Variants in AGAP5 observed in about 807,000 individuals in gnomAD.
AGAP5 encodes the protein ArfGAP with GTPase domain, ankyrin repeat and PH domain 5.
In AGAP5, 8 loss-of-function variants were observed where a neutral mutation model predicts 27.7. The ratio of observed to expected loss-of-function variants is 0.29; its 90% confidence interval spans 0.17 to 0.52. The LOEUF is 0.52. AGAP5 is among the 20% of genes least tolerant of loss of function. AGAP5 has a pLI of 0.97. For synonymous variants in AGAP5, 111 were observed against 338.0 expected, an observed-to-expected ratio of 0.33 and a Z score of 7.37; for missense variants, 285 against 880.8, an observed-to-expected ratio of 0.32 and a Z score of 8.56.
chr10:73,679,291 T>C (rs1160246210), intron 6 of AGAP5, among the ~76,000 whole-genome samples: 2 of 152,110 alleles, frequency 1.3e-5, no homozygotes, highest in Non-Finnish European at 2.9e-5. Context: ...GCCTCCAGAA[T>C]AGGTGGGACT....
intron 3 of AGAP5, among the ~76,000 whole-genome samples, chr10:73,693,680 CAG>C: frequency 1.4e-5 from 2 of 146,154 alleles, no homozygotes; most frequent in East Asian, 4.0e-4. Context: ...GCCTGGGCAA[CAG>C]AGTGAGACTC....
At chr10:73,687,187 C>T (rs1350487627) in intron 4 of AGAP5, among the ~76,000 whole-genome samples, 1 of 152,132 alleles carries the variant, frequency 6.6e-6, no homozygotes, top group Non-Finnish European at 1.5e-5. Context: ...AAAACAAAGA[C>T]TAAAGTTTAT....
chr10:73,687,262 T>A (rs1188068217), intron 4 of AGAP5, among the ~76,000 whole-genome samples: 1 of 152,248 alleles, frequency 6.6e-6, no homozygotes, highest in Non-Finnish European at 1.5e-5. Flanking sequence ...AGTAACTTTT[T>A]TCCTTTTTCC....
chr10:73,692,665 TAG>T (rs1471555510), intron 3 of AGAP5, among the ~76,000 whole-genome samples: 10 of 127,252 alleles, frequency 7.9e-5, no homozygotes, highest in African/African-American at 3.0e-4. Flanking sequence ...TTTTTTGAGA[TAG>T]AGTCTCACTC....
intron 3 of AGAP5, among the ~76,000 whole-genome samples, chr10:73,693,771 AC>A (rs201558674): frequency 0.01 from 1,542 of 151,056 alleles, 21 homozygotes; most frequent in African/African-American, 0.035. Flanking sequence ...GTGTGGAACC[AC>A]CTGCTTCCCC....
intron 4 of AGAP5, among the ~76,000 whole-genome samples, chr10:73,690,580 G>T (rs1183122546): frequency 7.0e-6 from 1 of 143,254 alleles, no homozygotes; most frequent in Non-Finnish European, 1.5e-5. Context: ...ATCCCCCTCT[G>T]CGAGAAACAC....
chr10:73,697,133 T>C lies in AGAP5; in HGVS notation c.254A>G (p.Glu85Gly), dbSNP rs1394854913. 6.3e-7 allele frequency: 1 copy of C among 1,598,134 alleles called. No individual in the cohort carries two copies. The highest frequency in any genetic ancestry group is 8.5e-7 in the Non-Finnish European group (1 of 1,179,722). Residue 85 changes from glutamate (E) to glycine (G), a missense_variant, in exon 2 of 8, where the codon GAG becomes GGG. By Grantham distance (98) the Glu-to-Gly change is moderately conservative (BLOSUM62 -2). Transcript: ENST00000374094. ...ALEFSLSANP[E>G]ASTIFQRNSQ... ...GTTCCTCTGGAATATTGTGCTTGCC[T>C]CTGGATTGGCAGAAAGGCTAAACTC...
At chr10:73,689,411 C>G (rs937951242) in intron 4 of AGAP5, among the ~76,000 whole-genome samples, 1 of 150,752 alleles carries the variant, frequency 6.6e-6, no homozygotes, top group Non-Finnish European at 1.5e-5. Context: ...GCCGCCACCC[C>G]GTCTGGGAAG....
intron 3 of AGAP5, among the ~76,000 whole-genome samples, chr10:73,693,136 T>C (rs1048523842): frequency 6.6e-6 from 1 of 152,160 alleles, no homozygotes; most frequent in Non-Finnish European, 1.5e-5. Context: ...TTCCTACCAC[T>C]GAAGAGTGAG....
chr10:73,693,561 T>C (rs2082136536), intron 3 of AGAP5, among the ~76,000 whole-genome samples: 1 of 151,934 alleles, frequency 6.6e-6, no homozygotes, highest in Non-Finnish European at 1.5e-5. Context: ...TAGCCAGGTG[T>C]TATTGTGCCC....
chr10:73,690,305 T>C (rs2082106252), intron 4 of AGAP5, among the ~76,000 whole-genome samples: 1 of 152,200 alleles, frequency 6.6e-6, no homozygotes, highest in African/African-American at 2.4e-5. Flanking sequence ...TCTGTGACCT[T>C]ACCCCCAACC....
chr10:73,696,673 C>T (rs1235528198), intron 2 of AGAP5, among the ~76,000 whole-genome samples: 3 of 152,222 alleles, frequency 2.0e-5, no homozygotes, highest in Non-Finnish European at 2.9e-5. Flanking sequence ...TCTGCAGCCC[C>T]GGCTGTGACA....
chr10:73,677,664 C>A (rs536557399), intron 6 of AGAP5, among the ~76,000 whole-genome samples: 6 of 152,224 alleles, frequency 3.9e-5, no homozygotes, highest in African/African-American at 1.4e-4. Context: ...GGATTACAGG[C>A]CTGAGCTACT....
chr10:73,683,556 G>C (rs2082042255), intron 4 of AGAP5, among the ~76,000 whole-genome samples: 1 of 106,766 alleles, frequency 9.4e-6, no homozygotes, highest in Non-Finnish European at 2.0e-5. Context: ...CCGCCTCCCG[G>C]GTTCACGCCA....
At chr10:73,696,301 A>G (rs558742933) in intron 2 of AGAP5, among the ~76,000 whole-genome samples, 86 of 152,190 alleles carry the variant, frequency 5.7e-4, no homozygotes, top group Non-Finnish European at 9.7e-4. Flanking sequence ...TACAGGCGTG[A>G]GCCACCAAGC....
chr10:73,689,719 C>A (rs1589474598), intron 4 of AGAP5, among the ~76,000 whole-genome samples: 1 of 151,340 alleles, frequency 6.6e-6, no homozygotes, highest in Non-Finnish European at 1.5e-5. Flanking sequence ...TGGCAACCGC[C>A]CCGTCTGAGA....
chr10:73,686,451 T>C (rs1238523441), intron 4 of AGAP5, among the ~76,000 whole-genome samples: 1 of 152,234 alleles, frequency 6.6e-6, no homozygotes, highest in Admixed American at 6.5e-5. Context: ...ACCATAAAAG[T>C]TCTAGAAGAT....
At chr10:73,681,424 TCAGCGAGTGC>T (rs1377608558) in intron 5 of AGAP5, 1 of 985,356 alleles carries the variant, frequency 1.0e-6, no homozygotes, top group East Asian at 1.1e-4. Context: ...ATAAGTGATC[TCAGCGAGTGC>T]CACCTATCCC....
At chr10:73,691,743 C>G (rs1255745385) in intron 4 of AGAP5, among the ~76,000 whole-genome samples, 1 of 152,180 alleles carries the variant, frequency 6.6e-6, no homozygotes, top group African/African-American at 2.4e-5. Context: ...CAGCCTGCCT[C>G]GGCCTCCTAA....
Sources: allele counts gnomAD v4.1 joint callset (sites outside exome capture counted in the v4.1 genomes callset), GRCh38; gene constraint gnomAD v4.1.1; transcripts MANE v1.5; gene names NCBI Gene and HGNC (gene_info 2026-07-23, HGNC 2026-07-21).